The following KL variants were observed in gnomAD, a reference collection of about 807,000 sequenced individuals.
The protein encoded by KL is klotho, also known as alpha-klotho.
KL carries 62 observed loss-of-function variants against 84.2 expected under a neutral mutation model. The observed-to-expected ratio is 0.74, with a 90% CI of 0.60 to 0.91. KL has a LOEUF of 0.91. KL is among the 40% of genes least tolerant of loss of function. The pLI is 0.00. For synonymous variants in KL, 528 were observed against 528.0 expected, an observed-to-expected ratio of 1.00 and a Z score of 0.00; for missense variants, 1,261 against 1,305.7, an observed-to-expected ratio of 0.97 and a Z score of 0.53.
chr13:33,062,404 G>A (rs951487817), intron 4 of KL, among the ~76,000 whole-genome samples: 1 of 151,078 alleles, frequency 6.6e-6, no homozygotes, highest in Admixed American at 6.6e-5. Context: ...CAAGCATGGT[G>A]GCTCATGCCT....
chr13:33,053,154 A>T (rs1455770706), intron 1 of KL, among the ~76,000 whole-genome samples: 1 of 152,102 alleles, frequency 6.6e-6, no homozygotes, highest in Non-Finnish European at 1.5e-5. Context: ...TCTGTGGGAA[A>T]CCAGAACTGT....
intron 1 of KL, among the ~76,000 whole-genome samples, chr13:33,018,276 G>A (rs116915718): frequency 0.015 from 2,209 of 152,236 alleles, 17 homozygotes; most frequent in Non-Finnish European, 0.021. Flanking sequence ...CTGATCACTT[G>A]TGGGCCTACT....
chr13:33,051,641 T>G (rs1229505493), intron 1 of KL, among the ~76,000 whole-genome samples: 1 of 152,194 alleles, frequency 6.6e-6, no homozygotes, highest in Non-Finnish European at 1.5e-5. Flanking sequence ...TTGCTAAACC[T>G]CCTCCTCTGA....
intron 1 of KL, among the ~76,000 whole-genome samples, chr13:33,017,995 A>G (rs1870436127): frequency 6.6e-6 from 1 of 152,236 alleles, no homozygotes; most frequent in Admixed American, 6.5e-5. Context: ...TAGCCTGATA[A>G]AATTAATTGT....
At chr13:33,038,432 A>G (rs1871219747) in intron 1 of KL, among the ~76,000 whole-genome samples, 1 of 152,170 alleles carries the variant, frequency 6.6e-6, no homozygotes, top group African/African-American at 2.4e-5. Context: ...CCCCTAACCC[A>G]TCTGCCCCAG....
At chr13:33,052,899 A>C (rs569196778) in intron 1 of KL, among the ~76,000 whole-genome samples, 1 of 152,230 alleles carries the variant, frequency 6.6e-6, no homozygotes, top group Non-Finnish European at 1.5e-5. Flanking sequence ...AGAGAAACTC[A>C]CTTCAAGTAG....
chr13:33,040,328 A>C (rs1954525547), intron 1 of KL, among the ~76,000 whole-genome samples: 1 of 152,228 alleles, frequency 6.6e-6, no homozygotes, highest in Non-Finnish European at 1.5e-5. Context: ...AGTGACTTTT[A>C]AGGAAGTCCT....
chr13:33,016,473 G>A lies in KL; in HGVS notation c.33G>A (p.Arg11=). 2.8e-6 allele frequency: 3 copies of A among 1,068,262 alleles called. No homozygotes were observed. The highest frequency in any genetic ancestry group is 2.3e-6 in the Non-Finnish European group (2 of 884,808). The allele number at this position is 1,068,262 out of a possible 1,614,324, so 66.2% of individuals were successfully genotyped here. A position where few individuals can be genotyped will look rare whatever the true frequency, so the allele number is the denominator to read the frequency against. The change falls in exon 1 of 5, where the codon CGG becomes CGA. Residue 11 remains arginine, a synonymous_variant. Coordinates refer to ENST00000380099, the MANE Select transcript of KL (RefSeq NM_004795.4). MPASAPPRRP[R]PPPPSLSLLL... Reference sequence around the variant, plus strand: ...CCAGCGCCCCGCCGCGCCGCCCGCGGCCGCCGCCGCCGTCGCTGTCGCTGC... The same window carrying A: ...CCAGCGCCCCGCCGCGCCGCCCGCGACCGCCGCCGCCGTCGCTGTCGCTGC...
chr13:33,045,704 C>T (rs1593801935), intron 1 of KL, among the ~76,000 whole-genome samples: 1 of 152,180 alleles, frequency 6.6e-6, no homozygotes, highest in Admixed American at 6.5e-5. Context: ...CTCTCGAACT[C>T]CTGACCTCAG....
intron 1 of KL, among the ~76,000 whole-genome samples, chr13:33,031,986 G>A (rs766907585): frequency 2.0e-5 from 3 of 152,044 alleles, no homozygotes; most frequent in African/African-American, 4.8e-5. Flanking sequence ...TGACTTTCCT[G>A]TGGGTACCAA....
chr13:33,048,958 G>T (rs1446973246), intron 1 of KL, among the ~76,000 whole-genome samples: 1 of 152,170 alleles, frequency 6.6e-6, no homozygotes, highest in Non-Finnish European at 1.5e-5. Flanking sequence ...CTACTAGCTA[G>T]TTGGTAGGAA....
chr13:33,043,400 A>G (rs1480200876), intron 1 of KL, among the ~76,000 whole-genome samples: 2 of 151,942 alleles, frequency 1.3e-5, no homozygotes, highest in African/African-American at 2.4e-5. Context: ...TTGTATTTTT[A>G]GTAGAGATGG....
chr13:33,060,456 A>G (rs1322121105), intron 3 of KL, among the ~76,000 whole-genome samples: 1 of 152,216 alleles, frequency 6.6e-6, no homozygotes, highest in Admixed American at 6.5e-5. Flanking sequence ...ACATTAAAGA[A>G]ACAGTTGAAG....
chr13:33,016,374 CGGGCGCGGCGGGGCGCGGGCATAAAG>C, upstream of KL: 1 of 159,078 alleles, frequency 6.3e-6, no homozygotes, highest in Non-Finnish European at 1.3e-5. Context: ...GGTGGGCGGG[CGGGCGCGGCGGGGCGCGGGCATAAAG>C]GGGCGCGGCG....
chr13:33,029,308 T>G (rs901535139), intron 1 of KL, among the ~76,000 whole-genome samples: 2 of 152,230 alleles, frequency 1.3e-5, no homozygotes, highest in Non-Finnish European at 2.9e-5. Flanking sequence ...GAATAAACCT[T>G]GTGGGATATT....
intron 1 of KL, among the ~76,000 whole-genome samples, chr13:33,052,424 G>A (rs2138229964): frequency 1.3e-5 from 2 of 152,262 alleles, no homozygotes; most frequent in South Asian, 4.2e-4. Context: ...ATAAGCAAGT[G>A]CCACTATTCT....
In KL at chr13:33,061,287, A is replaced by G. The variant is rs1483298564; in HGVS notation, c.2208A>G (p.Glu736=). The G allele has an allele frequency of 5.0e-6, 8 of 1,614,238 alleles. No individual in the cohort carries two copies. The South Asian group carries it at 8.8e-5, about 18-fold the overall frequency. Residue 736 remains glutamate, a synonymous_variant, in exon 4 of 5, where the codon GAA becomes GAG. Coordinates refer to ENST00000380099, the MANE Select transcript of KL (RefSeq NM_004795.4). ...TAGCCTTGCAGGCTGATTGGATAGA[A>G]CCTGCCTGCCCTTTCTCCCAAAAGG... ...ISIALQADWI[E]PACPFSQKDK...
intron 1 of KL, among the ~76,000 whole-genome samples, chr13:33,034,162 A>G (rs1871077843): frequency 6.6e-6 from 1 of 152,216 alleles, no homozygotes; most frequent in South Asian, 2.1e-4. Flanking sequence ...GTGATAAAAT[A>G]TAATCTTTGG....
intron 1 of KL, among the ~76,000 whole-genome samples, chr13:33,024,873 T>A (rs900667506): frequency 1.2e-4 from 18 of 152,148 alleles, no homozygotes; most frequent in African/African-American, 4.3e-4. Flanking sequence ...TCCCAGAAAT[T>A]GTCTGCAGTC....
Sources: gnomAD v4.1 joint callset for allele counts (sites outside exome capture counted in the v4.1 genomes callset) on GRCh38, gnomAD v4.1.1 for gene constraint, MANE v1.5 for transcripts, NCBI Gene and HGNC (gene_info 2026-07-23, HGNC 2026-07-21) for gene names.